UTP15: variants seen among roughly 807,000 people sequenced by gnomAD.
UTP15 encodes the protein UTP15 small subunit processome component, also known as U3 small nucleolar RNA-associated protein 15 homolog.
In UTP15, 5 loss-of-function variants were observed where a neutral mutation model predicts 59.1. The observed-to-expected ratio is 0.08, with a 90% CI of 0.04 to 0.18. UTP15 has a LOEUF of 0.18. Among genes scored for constraint, UTP15 ranks in the 10% least tolerant of loss-of-function variants. UTP15 has a pLI of 1.00. For synonymous variants in UTP15, 211 were observed against 212.2 expected, an observed-to-expected ratio of 0.99 and a Z score of 0.05; for missense variants, 494 against 616.7, an observed-to-expected ratio of 0.80 and a Z score of 2.11.
intron 2 of UTP15, 36 bp downstream of exon 2, chr5:73,567,470 T>C: frequency 6.8e-7 from 1 of 1,471,260 alleles, no homozygotes; most frequent in Non-Finnish European, 9.3e-7. Flanking sequence ...AAGGGATTTG[T>C]GTTTATGCCA....
Position 73,567,414 on chromosome 5 carries a change from CTGTACTGGA to C in UTP15, c.71_79del (p.Leu24_Asn27delinsHis). The C allele has an allele frequency of 6.2e-7, 1 of 1,608,856 alleles. No homozygotes were observed. The highest frequency in any genetic ancestry group is 8.5e-7 in the Non-Finnish European group (1 of 1,177,408). On this transcript the variant is annotated inframe_deletion, in exon 2 of 13. Coordinates refer to ENST00000296792, the MANE Select transcript of UTP15 (RefSeq NM_032175.4). ...TGGTGAAAAAATCACCCAAGATACA[CTGTACTGGA>C]ACAACTATAAGGTGAGTGTGGGACG... is the stretch of plus-strand genomic sequence containing the variant.
Position 73,568,429 on chromosome 5 carries a change from T to C in UTP15, c.193T>C (p.Tyr65His). The change falls in exon 4 of 13, where the codon TAT becomes CAT. Residue 65 changes from tyrosine to histidine, a missense_variant. Coordinates refer to ENST00000296792, the MANE Select transcript of UTP15 (RefSeq NM_032175.4). ...AVTASSRIHIYGRYSQEPIKT... is the reference protein window; with the variant it reads ...AVTASSRIHIHGRYSQEPIKT... ...GTTTTTCATCTTGTAGATTCACATT[T>C]ATGGCCGATACTCCCAAGAACCTAT... 6.2e-7 allele frequency: 1 copy of C among 1,609,316 alleles called. No homozygotes were observed. Among genetic ancestry groups the C allele is most frequent in the Non-Finnish European group, 8.5e-7 (1 of 1,177,542 alleles).
Position 73,581,039 on chromosome 5 carries a change from A to G in UTP15, c.*945A>G. 6.6e-6 allele frequency: 1 copy of G among 151,918 alleles called. No individual in the cohort carries two copies. Among genetic ancestry groups the G allele is most frequent in the South Asian group, 2.1e-4 (1 of 4,812 alleles). The allele number at this position is 151,918 out of a possible 1,614,324, so 9.4% of individuals were successfully genotyped here. On this transcript the variant is annotated 3_prime_UTR_variant, in exon 13 of 13. Transcript: ENST00000296792. ...TTGTTTTTAAAAGTTTAATGTAAAT[A>G]ATTATTTTTTAGAAGTTTTTTTTTT...
chr5:73,574,887 A>G (rs1748045198), intron 7 of UTP15, among the ~76,000 whole-genome samples: 1 of 152,208 alleles, frequency 6.6e-6, no homozygotes, highest in South Asian at 2.1e-4. Context: ...GTATACAGTC[A>G]TCTCTTGGTA....
At position 73,568,291 on chromosome 5, in the gene UTP15, G is replaced by T; in HGVS notation, c.147G>T (p.Gln49His). The change falls in exon 3 of 13, where the codon CAG becomes CAT. Residue 49 changes from glutamine (Q) to histidine (H), a missense_variant. Physicochemically the swap from Gln to His is conservative, Grantham distance 24. Coordinates refer to ENST00000296792, the MANE Select transcript of UTP15 (RefSeq NM_032175.4). ...GAVSKVDFSP[Q>H]PPYNYAVTAS... ...TTTCAAAAGTAGACTTTTCTCCTCAGCCTCCATATAATTATGCTGTCACAG... is the reference window on the plus strand; with the variant it reads ...TTTCAAAAGTAGACTTTTCTCCTCATCCTCCATATAATTATGCTGTCACAG... The T allele has an allele frequency of 6.2e-7, 1 of 1,610,986 alleles. No individual in the cohort carries two copies. The highest frequency in any genetic ancestry group is 8.5e-7 in the Non-Finnish European group (1 of 1,179,182).
In UTP15 at chr5:73,577,051, C is replaced by G. The variant is rs1748125530; in HGVS notation, c.894+15C>G. On this transcript the variant is annotated intron_variant, in intron 8 of 12. Coordinates refer to ENST00000296792, the MANE Select transcript of UTP15 (RefSeq NM_032175.4). ...TTGCCCTTGCAGTAAGTACCTTTAC[C>G]TATTTTTAAGTCTGTCACTAACCCT... 2 of 1,581,772 alleles carry G rather than the reference C, an allele frequency of 1.3e-6. No individual in the cohort carries two copies. The highest frequency in any genetic ancestry group is 1.2e-5 in the South Asian group (1 of 85,908).
rs1320293530 is a variant in UTP15 at position 73,568,623 on chromosome 5, CTG to C, written c.368+25_368+26del. 6.3e-7 allele frequency: 1 copy of C among 1,584,790 alleles called. No individual in the cohort carries two copies. Among genetic ancestry groups the C allele is most frequent in the African/African-American group, 1.4e-5 (1 of 73,178 alleles). On this transcript the variant is annotated intron_variant, in intron 4 of 12. Transcript: ENST00000296792. ...ATACAAAGTAAGAGACAGTTGGTTT[CTG>C]TGTGTTCTGGTTTTATTTTGTTGTA...
chr5:73,573,547 C>A (rs1319324556), intron 7 of UTP15, among the ~76,000 whole-genome samples: 1 of 149,748 alleles, frequency 6.7e-6, no homozygotes, highest in African/African-American at 2.5e-5. Flanking sequence ...TGTGCCTGGC[C>A]TGAAAAGTTT....
rs1277715164 is a variant in UTP15, at chr5:73,565,894, C to T, written c.-102C>T. The T allele has an allele frequency of 2.2e-6, 1 of 456,248 alleles. No individual in the cohort carries two copies. The highest frequency in any genetic ancestry group is 4.4e-6 in the Non-Finnish European group (1 of 226,962). 28.3% of individuals were successfully genotyped at this position (456,248 alleles called of 1,614,324 possible). A position where few individuals can be genotyped will look rare whatever the true frequency, so the allele number is the denominator to read the frequency against. On this transcript the variant is annotated 5_prime_UTR_variant, in exon 1 of 13. Coordinates refer to ENST00000296792, the MANE Select transcript of UTP15 (RefSeq NM_032175.4). ...CTTGGGTCGAGGTGTCTCGTCGGAC[C>T]CTTTGGGGCTCAGTGGAGGTAGGTG... is the stretch of plus-strand genomic sequence containing the variant.
In UTP15 at chr5:73,567,384, A is replaced by G; in HGVS notation, c.40A>G (p.Ile14Val). Residue 14 changes from isoleucine (I) to valine (V), a missense_variant, in exon 2 of 13, where the codon ATA becomes GTA. Transcript: ENST00000296792. ...YKPVAIQTYP[I>V]LGEKITQDTL... is the part of the protein sequence containing the mutation. ...GCCTGTAGCTATTCAGACATATCCT[A>G]TACTTGGTGAAAAAATCACCCAAGA... 1 of 1,610,336 alleles carries G rather than the reference A, an allele frequency of 6.2e-7. No individual in the cohort carries two copies. Among genetic ancestry groups the G allele is most frequent in the South Asian group, 1.1e-5 (1 of 90,526 alleles).
chr5:73,577,936 A>G lies in UTP15; in HGVS notation c.975A>G (p.Glu325=). ...ATCGGAAATCTGAAGCAAAGAAGGA[A>G]TCACTTCCCAGAAGAAGAAGGCCTG... ...VKHRKSEAKK[E]SLPRRRRPAY... is the part of the protein sequence containing the mutation. Residue 325 remains glutamate (E), a synonymous_variant, in exon 9 of 13, where the codon GAA becomes GAG. Coordinates refer to ENST00000296792, the MANE Select transcript of UTP15 (RefSeq NM_032175.4). The G allele has an allele frequency of 6.3e-7, 1 of 1,590,548 alleles. No homozygotes were observed. The highest frequency in any genetic ancestry group is 1.4e-5 in the African/African-American group (1 of 72,974).
intron 6 of UTP15, among the ~76,000 whole-genome samples, chr5:73,571,085 T>C (rs1273090457): frequency 6.6e-6 from 1 of 151,784 alleles, no homozygotes. Context: ...TATTTAGCCC[T>C]GTGCCATCTT....
intron 9 of UTP15, chr5:73,578,413 ATTG>A (rs1380337356): frequency 3.5e-6 from 1 of 283,770 alleles, no homozygotes; most frequent in Admixed American, 5.0e-5. Flanking sequence ...ATTATCTCTG[ATTG>A]TTGTTTGATT....
chr5:73,570,355 AAG>A, intron 5 of UTP15, among the ~76,000 whole-genome samples: 1 of 152,336 alleles, frequency 6.6e-6, no homozygotes, highest in East Asian at 1.9e-4. Flanking sequence ...AGTCCAAAGA[AAG>A]AAATATTTTA....
intron 7 of UTP15, among the ~76,000 whole-genome samples, chr5:73,573,815 C>G (rs1421247853): frequency 6.6e-6 from 1 of 151,818 alleles, no homozygotes; most frequent in Non-Finnish European, 1.5e-5. Context: ...TTCAGGTGAT[C>G]CACTCACCTT....
Position 73,568,530 on chromosome 5 carries a change from C to T in UTP15, c.294C>T (p.Gly98=). ...AAGATGGTAGATTGCTTGTGGCTGG[C>T]AGTGAAGATGGTGGAGTTCAACTTT... The part of the protein sequence containing the change: ...FRQDGRLLVA[G]SEDGGVQLFD... The change falls in exon 4 of 13, where the codon GGC becomes GGT. Residue 98 remains glycine (G), a synonymous_variant. Coordinates refer to ENST00000296792, the MANE Select transcript of UTP15 (RefSeq NM_032175.4). The T allele has an allele frequency of 6.2e-7, 1 of 1,614,038 alleles. No homozygotes were observed. The highest frequency in any genetic ancestry group is 1.3e-5 in the African/African-American group (1 of 75,034).
chr5:73,569,561 A>G lies in UTP15; in HGVS notation c.433A>G (p.Thr145Ala), dbSNP rs182379157. ...CGTGGTCTCTGGGGCTGATGATTAT[A>G]CAGTTAAATTATGGGATATTCCAAA... ...YHVVSGADDY[T>A]VKLWDIPNSK... Residue 145 changes from threonine (T) to alanine (A), a missense_variant, in exon 5 of 13, where the codon ACA becomes GCA. Coordinates refer to ENST00000296792, the MANE Select transcript of UTP15 (RefSeq NM_032175.4). The G allele has an allele frequency of 1.2e-6, 2 of 1,613,870 alleles. No homozygotes were observed. The highest frequency in any genetic ancestry group is 2.2e-5 in the East Asian group (1 of 44,832).
intron 7 of UTP15, among the ~76,000 whole-genome samples, chr5:73,576,399 C>T (rs547841900): frequency 1.3e-5 from 2 of 151,488 alleles, no homozygotes; most frequent in African/African-American, 4.8e-5. Flanking sequence ...AGCCACCACA[C>T]CCGGCCCTTC....
At chr5:73,574,846 A>G (rs1020455223) in intron 7 of UTP15, among the ~76,000 whole-genome samples, 4 of 152,114 alleles carry the variant, frequency 2.6e-5, no homozygotes, top group African/African-American at 9.7e-5. Context: ...CTCTTATGAA[A>G]AACTTTAGTT....
Sources: allele counts gnomAD v4.1 joint callset (sites outside exome capture counted in the v4.1 genomes callset), GRCh38; gene constraint gnomAD v4.1.1; transcripts MANE v1.5; gene names NCBI Gene and HGNC (gene_info 2026-07-23, HGNC 2026-07-21).